C13orf42: variants seen among roughly 807,000 people sequenced by gnomAD.
C13orf42 encodes the protein uncharacterized protein C13orf42.
chr13:51,111,768 G>T (rs1953437229), upstream of C13orf42, among the ~76,000 whole-genome samples: 2 of 152,132 alleles, frequency 1.3e-5, no homozygotes, highest in African/African-American at 2.4e-5. Flanking sequence ...GTAAAATCTA[G>T]TCCCCCGAGA....
At chr13:51,140,246 G>A (rs1255906757) in intron 1 of C13orf42, among the ~76,000 whole-genome samples, 3 of 152,100 alleles carry the variant, frequency 2.0e-5, no homozygotes, top group Admixed American at 6.5e-5. Context: ...AAGTTGTCCC[G>A]CCTTTCCAGA....
At chr13:51,141,120 G>GTGTGTGTGTGTC (rs1953693119) in intron 1 of C13orf42, among the ~76,000 whole-genome samples, 1 of 150,872 alleles carries the variant, frequency 6.6e-6, no homozygotes, top group Non-Finnish European at 1.5e-5. Flanking sequence ...GTGTGTGTGT[G>GTGTGTGTGTGTC]TGTGTGTGTG....
At chr13:51,134,913 C>G (rs1322559695) in intron 1 of C13orf42, among the ~76,000 whole-genome samples, 1 of 152,212 alleles carries the variant, frequency 6.6e-6, no homozygotes, top group Non-Finnish European at 1.5e-5. Context: ...ATGGAGCCAC[C>G]AGCCGCAGCG....
intron 1 of C13orf42, among the ~76,000 whole-genome samples, chr13:51,138,486 C>T (rs1025463015): frequency 1.3e-5 from 2 of 150,266 alleles, no homozygotes; most frequent in Non-Finnish European, 3.0e-5. Context: ...CACTCATCAT[C>T]AGAAAAATAC....
At chr13:51,159,858 A>C (rs1311644010) in intron 1 of C13orf42, among the ~76,000 whole-genome samples, 1 of 152,234 alleles carries the variant, frequency 6.6e-6, no homozygotes, top group African/African-American at 2.4e-5. Context: ...ACTGGGAACA[A>C]AAAGAGGTTT....
rs1414116297 is a variant in C13orf42 at position 51,111,045 on chromosome 13, C to T, written c.165G>A (p.Lys55=). The T allele has an allele frequency of 2.5e-6, 1 of 398,732 alleles. No homozygotes were observed. Among genetic ancestry groups the T allele is most frequent in the Non-Finnish European group, 4.4e-6 (1 of 226,164 alleles). 24.7% of individuals were successfully genotyped at this position (398,732 alleles called of 1,614,324 possible). The change falls in exon 1 of 4, where the codon AAG becomes AAA. Residue 55 remains lysine, a synonymous_variant. Transcript: ENST00000563710. ...TGTCCATGCTACTGGTGCTTTTGTA[C>T]TTCTTTAAGGACTCGCTGAATTTCT... ...HGEKFSESLK[K]YKSTSSMDTS...
intron 1 of C13orf42, among the ~76,000 whole-genome samples, chr13:51,139,860 AT>A (rs1478850467): frequency 6.6e-6 from 1 of 152,158 alleles, no homozygotes; most frequent in African/African-American, 2.4e-5. Flanking sequence ...TGGACTAGCC[AT>A]TTTGTTATTC....
At chr13:51,133,134 T>C (rs1293913346) in intron 1 of C13orf42, among the ~76,000 whole-genome samples, 4 of 152,186 alleles carry the variant, frequency 2.6e-5, no homozygotes, top group Non-Finnish European at 5.9e-5. Context: ...AGCCATTCCT[T>C]TATTCCTCTA....
chr13:51,163,482 T>C (rs1953882394), intron 1 of C13orf42, among the ~76,000 whole-genome samples: 1 of 152,130 alleles, frequency 6.6e-6, no homozygotes, highest in African/African-American at 2.4e-5. Flanking sequence ...CTTACATACA[T>C]GGCAGTCCAG....
intron 1 of C13orf42, among the ~76,000 whole-genome samples, chr13:51,122,161 T>C (rs1208830935): frequency 1.3e-5 from 2 of 152,046 alleles, no homozygotes; most frequent in African/African-American, 2.4e-5. Flanking sequence ...TACGGTATAA[T>C]GTAAATGCTG....
At chr13:51,092,513 A>T (rs766253677) in intron 1 of C13orf42, among the ~76,000 whole-genome samples, 3 of 152,090 alleles carry the variant, frequency 2.0e-5, no homozygotes, top group Non-Finnish European at 2.9e-5. Flanking sequence ...ATAATTTATA[A>T]TTTTTTTCAA....
intron 1 of C13orf42, among the ~76,000 whole-genome samples, chr13:51,100,379 A>G (rs1036429695): frequency 1.6e-4 from 24 of 152,276 alleles, no homozygotes; most frequent in African/African-American, 5.3e-4. Flanking sequence ...ATATTTTAAC[A>G]TATATGGAAG....
upstream of C13orf42, among the ~76,000 whole-genome samples, chr13:51,114,651 T>TAGATAGAGAG (rs1555266732): frequency 1.7e-3 from 242 of 142,474 alleles, 2 homozygotes; most frequent in Admixed American, 5.8e-3. Flanking sequence ...TAGATAGAGA[T>TAGATAGAGAG]AGACAGACAG....
intron 1 of C13orf42, among the ~76,000 whole-genome samples, chr13:51,090,719 T>G (rs1356107442): frequency 2.0e-5 from 3 of 152,154 alleles, no homozygotes; most frequent in African/African-American, 7.2e-5. Context: ...CGGTTGCTGT[T>G]AATTGTTAAA....
chr13:51,089,654 A>G (rs1213235642), intron 1 of C13orf42, among the ~76,000 whole-genome samples: 1 of 151,848 alleles, frequency 6.6e-6, no homozygotes, highest in East Asian at 2.0e-4. Context: ...TCTTTTATTT[A>G]CAAATTACCC....
intron 1 of C13orf42, among the ~76,000 whole-genome samples, chr13:51,090,968 C>T (rs541442721): frequency 2.0e-5 from 3 of 152,360 alleles, no homozygotes; most frequent in African/African-American, 7.2e-5. Context: ...TTCAGCTGCA[C>T]CTTTGCTAGA....
At chr13:51,162,199 G>C (rs965281792) in intron 1 of C13orf42, 1 of 206,544 alleles carries the variant, frequency 4.8e-6, no homozygotes, top group Non-Finnish European at 1.0e-5. Flanking sequence ...TTCTGTATTT[G>C]TGTGTGTTAG....
chr13:51,147,504 TG>T (rs1374556687), intron 1 of C13orf42, among the ~76,000 whole-genome samples: 1 of 151,998 alleles, frequency 6.6e-6, no homozygotes, highest in African/African-American at 2.4e-5. Flanking sequence ...CCGAGGTGGG[TG>T]GATCACCTGA....
At chr13:51,151,507 A>C (rs1953777444) in intron 1 of C13orf42, among the ~76,000 whole-genome samples, 1 of 152,258 alleles carries the variant, frequency 6.6e-6, no homozygotes, top group Non-Finnish European at 1.5e-5. Context: ...CATCTAACCT[A>C]GAGAACTTCA....
Sources: allele counts gnomAD v4.1 joint callset (sites outside exome capture counted in the v4.1 genomes callset), GRCh38; gene constraint gnomAD v4.1.1; transcripts MANE v1.5; gene names NCBI Gene and HGNC (gene_info 2026-07-23, HGNC 2026-07-21).